Variants in ZNF395 observed in about 807,000 individuals in gnomAD.
The protein encoded by ZNF395 is zinc finger protein 395, also known as HD gene regulatory region-binding protein 2.
ZNF395 carries 20 observed loss-of-function variants against 57.7 expected under a neutral mutation model. The observed-to-expected ratio is 0.35, with a 90% CI of 0.24 to 0.50. ZNF395 has a LOEUF of 0.50. ZNF395 is among the 20% of genes least tolerant of loss of function. ZNF395 has a pLI of 0.97. For missense variants in ZNF395, 606 were observed against 671.2 expected (o/e 0.90, Z 1.07); for synonymous variants, 295 against 275.9 (o/e 1.07, Z -0.69).
chr8:28,377,332 G>T (rs2129991059), intron 1 of ZNF395, among the ~76,000 whole-genome samples: 1 of 152,254 alleles, frequency 6.6e-6, no homozygotes, highest in South Asian at 2.1e-4. Flanking sequence ...CGAGCCCAGT[G>T]GGTCGAGGCT....
chr8:28,356,756 T>C lies in ZNF395; in HGVS notation c.497A>G (p.Asp166Gly). 2 of 1,614,208 alleles carry C rather than the reference T, an allele frequency of 1.2e-6. No homozygotes were observed. Among genetic ancestry groups the C allele is most frequent in the African/African-American group, 2.7e-5 (2 of 75,062 alleles). ...PKRKSDAVEM[D>G]EMMAAMVLTS... ...CAGCACCATGGCCGCCATCATCTCA[T>C]CCATTTCCACTGCGTCCGACTTCCT... The change falls in exon 4 of 10, where the codon GAT (aspartate) becomes GGT (glycine). Residue 166 changes from aspartate to glycine, a missense_variant. Around this residue, in one of 3 missense-constraint regions of ZNF395, gnomAD observed 309 missense variants for 374.7 expected, o/e 0.82. Transcript: ENST00000344423. This position sits in a 1 kb window ranked among gnomAD's most constrained non-coding sequence, Gnocchi z 4.0.
intron 1 of ZNF395, among the ~76,000 whole-genome samples, chr8:28,369,642 A>G (rs1801953879): frequency 6.6e-6 from 1 of 152,084 alleles, no homozygotes; most frequent in South Asian, 2.1e-4. Context: ...CTGTTCCCCC[A>G]AGCCTGAATC....
Position 28,361,008 on chromosome 8 carries a change from T to C in ZNF395, c.117A>G (p.Glu39=). 1 of 1,611,118 alleles carries C rather than the reference T, an allele frequency of 6.2e-7. No homozygotes were observed. The highest frequency in any genetic ancestry group is 1.3e-5 in the African/African-American group (1 of 75,022). The change falls in exon 2 of 10, where the codon GAA becomes GAG. Residue 39 remains glutamate (E), a synonymous_variant. Coordinates refer to ENST00000344423, the MANE Select transcript of ZNF395 (RefSeq NM_018660.3). ...TGGTGAAAGGCTGGGGAGCGGCCCC[T>C]TCTAGCAGTGGCTCCGAGGGTGGGG... ...SAAPPSEPLL[E]GAAPQPFTTS...
rs1211206711 is a variant in ZNF395, at chr8:28,359,859, C to A, written c.241-35G>T. On this transcript the variant is annotated intron_variant, in intron 2 of 9. Coordinates refer to ENST00000344423, the MANE Select transcript of ZNF395 (RefSeq NM_018660.3). This position sits in a 1 kb window ranked among gnomAD's most constrained non-coding sequence, Gnocchi z 4.7. ...GAGGGACAGCAGTTAGTGGTCAGCCCTGGATGGGTCTCGCCCTGAAGTTCT... is the reference window on the plus strand; with the variant it reads ...GAGGGACAGCAGTTAGTGGTCAGCCATGGATGGGTCTCGCCCTGAAGTTCT... The A allele has an allele frequency of 1.3e-6, 2 of 1,595,802 alleles. No homozygotes were observed. Among genetic ancestry groups the A allele is most frequent in the South Asian group, 2.2e-5 (2 of 89,916 alleles).
intron 1 of ZNF395, among the ~76,000 whole-genome samples, chr8:28,378,125 A>C (rs548004046): frequency 2.2e-3 from 338 of 152,136 alleles, no homozygotes; most frequent in African/African-American, 6.0e-3. Flanking sequence ...CCGGCCCCCC[A>C]CCACCACCAA....
intron 3 of ZNF395, among the ~76,000 whole-genome samples, chr8:28,358,610 A>AT (rs572341655): frequency 8.7e-5 from 13 of 150,178 alleles, no homozygotes; most frequent in African/African-American, 3.2e-4. Flanking sequence ...TAATTTTTTT[A>AT]TTTTTTTGTA....
At chr8:28,366,811 GT>G (rs1188615783) in intron 1 of ZNF395, among the ~76,000 whole-genome samples, 3 of 93,190 alleles carry the variant, frequency 3.2e-5, no homozygotes, top group East Asian at 9.8e-4. Context: ...CCCAAAGAAA[GT>G]TTAAAAAAAA....
chr8:28,369,544 A>G (rs1229148769), intron 1 of ZNF395, among the ~76,000 whole-genome samples: 1 of 152,178 alleles, frequency 6.6e-6, no homozygotes, highest in Non-Finnish European at 1.5e-5. Context: ...CTGGCCCTGG[A>G]GCCAAAGCCA....
chr8:28,383,154 C>A (rs1329979317), intron 1 of ZNF395, among the ~76,000 whole-genome samples: 1 of 152,232 alleles, frequency 6.6e-6, no homozygotes, highest in Non-Finnish European at 1.5e-5. Context: ...GTTCACTGAT[C>A]TTGCATTTCA....
At chr8:28,377,726 T>C (rs1193186334) in intron 1 of ZNF395, among the ~76,000 whole-genome samples, 1 of 147,730 alleles carries the variant, frequency 6.8e-6, no homozygotes, top group Non-Finnish European at 1.5e-5. Context: ...TCATCCCGAA[T>C]AGAAGTGGCA....
At chr8:28,378,909 T>C (rs534002818) in intron 1 of ZNF395, among the ~76,000 whole-genome samples, 8 of 152,232 alleles carry the variant, frequency 5.3e-5, no homozygotes, top group Non-Finnish European at 2.9e-5. Context: ...TCCTTTTTCA[T>C]ATTGAACTGA....
Position 28,359,531 on chromosome 8 carries a change from A to G in ZNF395, c.473+61T>C. 1 of 1,519,356 alleles carries G rather than the reference A, an allele frequency of 6.6e-7. No homozygotes were observed. Among genetic ancestry groups the G allele is most frequent in the East Asian group, 2.3e-5 (1 of 43,840 alleles). 94.1% of individuals were successfully genotyped at this position (1,519,356 alleles called of 1,614,324 possible). On this transcript the variant is annotated intron_variant, in intron 3 of 9. Coordinates refer to ENST00000344423, the MANE Select transcript of ZNF395 (RefSeq NM_018660.3). The surrounding 1 kb of genome is among the most constrained non-coding windows in gnomAD (Gnocchi z 4.7). ...TTTCTTCCCCACCACAACACAGCCC[A>G]CACCCTTACACCACACTACCCACGT...
At chr8:28,373,357 GAGAT>G (rs922427015) in intron 1 of ZNF395, among the ~76,000 whole-genome samples, 1 of 152,202 alleles carries the variant, frequency 6.6e-6, no homozygotes, top group Non-Finnish European at 1.5e-5. Flanking sequence ...GTTCTATAGA[GAGAT>G]AGAGATGAAG....
At chr8:28,360,860 C>T (rs763739339) in intron 2 of ZNF395, 25 bp downstream of exon 2, 3 of 1,611,056 alleles carry the variant, frequency 1.9e-6, no homozygotes, top group Non-Finnish European at 2.5e-6. Flanking sequence ...AGACGGGACA[C>T]CTGTCCATGT....
intron 1 of ZNF395, among the ~76,000 whole-genome samples, chr8:28,384,842 A>C (rs1172561867): frequency 2.0e-5 from 3 of 152,186 alleles, no homozygotes; most frequent in African/African-American, 7.2e-5. Context: ...GTAAACTCCT[A>C]AATCACTTCC....
intron 1 of ZNF395, among the ~76,000 whole-genome samples, chr8:28,368,826 C>T (rs1384275916): frequency 6.6e-6 from 1 of 152,056 alleles, no homozygotes; most frequent in Non-Finnish European, 1.5e-5. Context: ...AACATGGACT[C>T]TACTTTCTTT....
chr8:28,359,549 A>T lies in ZNF395; in HGVS notation c.473+43T>A. ...ACAGCCCACACCCTTACACCACACT[A>T]CCCACGTGACTTTTAAAACCCAGTT... On this transcript the variant is annotated intron_variant, in intron 3 of 9. Coordinates refer to ENST00000344423, the MANE Select transcript of ZNF395 (RefSeq NM_018660.3). This position sits in a 1 kb window ranked among gnomAD's most constrained non-coding sequence, Gnocchi z 4.7. The T allele has an allele frequency of 6.5e-7, 1 of 1,548,698 alleles. No individual in the cohort carries two copies. Among genetic ancestry groups the T allele is most frequent in the Admixed American group, 1.9e-5 (1 of 53,658 alleles).
chr8:28,354,997 G>C (rs1162252154), intron 4 of ZNF395, among the ~76,000 whole-genome samples: 1 of 151,948 alleles, frequency 6.6e-6, no homozygotes, highest in Non-Finnish European at 1.5e-5. Context: ...GGCAGATTTT[G>C]ACTGGCACAC....
rs1192016471 is a variant in ZNF395, at chr8:28,356,214, T to G, written c.583+456A>C. ...TTTACTTTAGAATTTAGCTCATTTA[T>G]TCCGGGTCCTTGTCCCATAGGCCCA... On this transcript the variant is annotated intron_variant, in intron 4 of 9. Transcript: ENST00000344423. This position sits in a 1 kb window ranked among gnomAD's most constrained non-coding sequence, Gnocchi z 4.0. Among the ~76,000 whole-genome samples, 1 of 152,268 alleles carries G rather than the reference T, an allele frequency of 6.6e-6. No homozygotes were observed. The highest frequency in any genetic ancestry group is 2.4e-5 in the African/African-American group (1 of 41,470).
Sources: allele counts gnomAD v4.1 joint callset (sites outside exome capture counted in the v4.1 genomes callset), GRCh38; gene constraint gnomAD v4.1.1; regional missense constraint gnomAD v4.1.1; non-coding constraint Gnocchi (gnomAD v3.1); transcripts MANE v1.5; gene names NCBI Gene and HGNC (gene_info 2026-07-23, HGNC 2026-07-21).